FAM9A: variants seen among roughly 807,000 people sequenced by gnomAD.
The protein encoded by FAM9A is family with sequence similarity 9 member A.
A neutral mutation model predicts 25.0 loss-of-function variants in FAM9A; 49 were observed. That is an observed-to-expected ratio of 1.96 (90% CI 1.56 to 2.48). The LOEUF (loss-of-function observed/expected upper bound fraction) is 2.48, where lower values mean the gene tolerates loss of function less well. Among genes scored for constraint, FAM9A ranks in the 30% most tolerant of loss-of-function variants. FAM9A has a pLI of 0.00. For missense variants in FAM9A, 266 were observed against 249.3 expected (o/e 1.07, Z -0.45); for synonymous variants, 80 against 85.1 (o/e 0.94, Z 0.33).
chrX:8,794,792 T>C (rs1933507584), intron 7 of FAM9A, among the ~76,000 whole-genome samples: 1 of 112,084 alleles, frequency 8.9e-6, no homozygotes, highest in East Asian at 2.8e-4. Flanking sequence ...TCTCCTTCTA[T>C]CAACGTGCGC....
At chrX:8,792,389 A>G (rs1016485735) in intron 8 of FAM9A, among the ~76,000 whole-genome samples, 1 of 111,306 alleles carries the variant, frequency 9.0e-6, no homozygotes, top group Non-Finnish European at 1.9e-5. Context: ...AGAGTTTAAT[A>G]GTACAAGCAA....
At chrX:8,798,204 A>T in intron 4 of FAM9A, 23 bp from the exon 5 acceptor site, 1 of 1,205,237 alleles carries the variant, frequency 8.3e-7, no homozygotes, top group Non-Finnish European at 1.1e-6. Flanking sequence ...TTACATCAAA[A>T]TTTTATCATA....
intron 7 of FAM9A, among the ~76,000 whole-genome samples, 174 bp downstream of exon 7, chrX:8,794,904 A>C (rs191851130): frequency 1.8e-3 from 199 of 111,908 alleles, no homozygotes; most frequent in Non-Finnish European, 3.0e-3. Flanking sequence ...TGCTGACCTC[A>C]GTTGGACCCC....
At chrX:8,797,978 G>A (rs144946028) in intron 5 of FAM9A, among the ~76,000 whole-genome samples, 172 bp downstream of exon 5, 1 of 111,373 alleles carries the variant, frequency 9.0e-6, no homozygotes, top group Admixed American at 9.6e-5. Flanking sequence ...AATCCAAAAG[G>A]TAAGTATGAA....
At chrX:8,791,829 T>C (rs1020438080) in intron 8 of FAM9A, among the ~76,000 whole-genome samples, 3 of 112,020 alleles carry the variant, frequency 2.7e-5, no homozygotes, top group Non-Finnish European at 5.6e-5. Flanking sequence ...TTGAAATATA[T>C]ACTATTCCCT....
chrX:8,800,184 T>A lies in FAM9A; in HGVS notation c.-13A>T. The A allele has an allele frequency of 8.3e-7, 1 of 1,206,295 alleles. No homozygotes were observed. The highest frequency in any genetic ancestry group is 1.1e-6 in the Non-Finnish European group (1 of 892,202). ...CCACGGGCTCCATGGTTGGCTGTCC[T>A]GGGAAGTTAGAGGCGATCCCTGAAC... is the stretch of plus-strand genomic sequence containing the variant. On this transcript the variant is annotated 5_prime_UTR_variant, in exon 2 of 10. Transcript: ENST00000381003.
In FAM9A at chrX:8,798,860, A is replaced by C. The variant is rs1569105066; in HGVS notation, c.220+106T>G. ...ATGCACAATGGACTCCAAAGCCACG[A>C]AGGGGCCAGGGGTCTCGGGCTGCCC... On this transcript the variant is annotated intron_variant, in intron 3 of 9. Transcript: ENST00000381003. 12 of 1,145,856 alleles carry C rather than the reference A, an allele frequency of 1.0e-5. No individual in the cohort carries two copies. The East Asian group carries it at 3.6e-4, about 35-fold the overall frequency. 94.4% of individuals were successfully genotyped at this position (1,145,856 alleles called of 1,213,427 possible).
At chrX:8,797,489 T>C (rs1933547077) in intron 5 of FAM9A, among the ~76,000 whole-genome samples, 1 of 112,125 alleles carries the variant, frequency 8.9e-6, no homozygotes, top group African/African-American at 3.2e-5. Flanking sequence ...TCATTTTAGA[T>C]AATTCAATTT....
chrX:8,792,593 C>G (rs1933482650), intron 8 of FAM9A, among the ~76,000 whole-genome samples: 1 of 111,828 alleles, frequency 8.9e-6, no homozygotes, highest in African/African-American at 3.3e-5. Context: ...AGGAAAACTT[C>G]TAGTCTCATG....
chrX:8,791,287 A>T lies in FAM9A; in HGVS notation c.*24T>A, dbSNP rs1933467419. On this transcript the variant is annotated 3_prime_UTR_variant, in exon 9 of 10. Coordinates refer to ENST00000381003, the MANE Select transcript of FAM9A (RefSeq NM_174951.3). ...TAAATATGCACTACTTACAGTTCTG[A>T]CACGATTCTTTTTAAAAACACGGCT... The T allele has an allele frequency of 8.5e-7, 1 of 1,176,706 alleles. No homozygotes were observed.
At position 8,796,736 on chromosome X, in the gene FAM9A, A is replaced by T. The variant is rs371776100; in HGVS notation, c.374-354T>A. On this transcript the variant is annotated intron_variant, in intron 5 of 9. Transcript: ENST00000381003. ...GTAATTCAAAGGACATGTTTCCATGAAATACTGTCACAATTCATTATGTAA... is the reference window on the plus strand; with the variant it reads ...GTAATTCAAAGGACATGTTTCCATGTAATACTGTCACAATTCATTATGTAA... Among the ~76,000 whole-genome samples, 291 of 112,177 alleles carry T rather than the reference A, an allele frequency of 2.6e-3. 8 individuals carry two copies. The South Asian group carries it at 0.095, about 37-fold the overall frequency.
Position 8,799,067 on chromosome X carries a change from C to T in FAM9A, c.119G>A (p.Gly40Glu). The T allele has an allele frequency of 1.7e-6, 2 of 1,211,293 alleles. No homozygotes were observed. Among genetic ancestry groups the T allele is most frequent in the Middle Eastern group, 2.3e-4 (1 of 4,349 alleles). ...EGSGIASNFP[G>E]QPTMEPVGRK... ...GCCCACGGGCTCCATGGTTGGCTGT[C>T]CTGGGAAGTTAGAGGCGATCCCTGA... The change falls in exon 3 of 10, where the codon GGA (glycine) becomes GAA (glutamate). Residue 40 changes from glycine to glutamate, a missense_variant. Gly to Glu is a moderately conservative substitution (Grantham distance 98). Coordinates refer to ENST00000381003, the MANE Select transcript of FAM9A (RefSeq NM_174951.3).
At position 8,794,650 on chromosome X, in the gene FAM9A, A is replaced by T. The variant is rs1374716367; in HGVS notation, c.831+428T>A. On this transcript the variant is annotated intron_variant, in intron 7 of 9. Transcript: ENST00000381003. ...TACTACAGCTCAGGAGTCTGTTGAG[A>T]CCCGACACCCACTGAATGGAACACT... 3.6e-5 allele frequency among the ~76,000 whole-genome samples: 4 copies of T among 111,127 alleles called. No individual in the cohort carries two copies. The East Asian group carries it at 1.1e-3, about 32-fold the overall frequency.
Position 8,800,198 on chromosome X carries a change from C to A in FAM9A, c.-27G>T. ...GTTGGCTGTCCTGGGAAGTTAGAGG[C>A]GATCCCTGAACCTGGTTGAGTGCAA... On this transcript the variant is annotated 5_prime_UTR_variant, in exon 2 of 10. Transcript: ENST00000381003. 8.3e-7 allele frequency: 1 copy of A among 1,201,648 alleles called. No individual in the cohort carries two copies. The highest frequency in any genetic ancestry group is 3.0e-5 in the East Asian group (1 of 33,506).
At position 8,799,023 on chromosome X, in the gene FAM9A, C is replaced by A; in HGVS notation, c.163G>T (p.Ala55Ser). 1 of 1,212,596 alleles carries A rather than the reference C, an allele frequency of 8.2e-7. No individual in the cohort carries two copies. The highest frequency in any genetic ancestry group is 1.7e-5 in the African/African-American group (1 of 58,047). ...EPVGRKRSRK[A>S]AKAQLEAQVR... ...TGAGCTTCCAACTGAGCTTTGGCAG[C>A]CTTCCTGCTGCGCTTCCTGCCCACG... The change falls in exon 3 of 10, where the codon GCT becomes TCT. Residue 55 changes from alanine (A) to serine (S), a missense_variant. Transcript: ENST00000381003.
Position 8,791,138 on chromosome X carries a change from T to C in FAM9A, c.*66A>G, listed in dbSNP as rs891104253. The stretch of plus-strand genomic sequence containing the variant: ...TCTTCAGTCATCAGAATAACAGAGG[T>C]TGAAGAGACAATGAAGTGCCAACTC... On this transcript the variant is annotated 3_prime_UTR_variant, in exon 10 of 10. Coordinates refer to ENST00000381003, the MANE Select transcript of FAM9A (RefSeq NM_174951.3). 20 of 410,660 alleles carry C rather than the reference T, an allele frequency of 4.9e-5. No homozygotes were observed. The highest frequency in any genetic ancestry group is 3.8e-4 in the African/African-American group (15 of 39,772). The allele number at this position is 410,660 out of a possible 1,213,427, so 33.8% of individuals were successfully genotyped here.
intron 4 of FAM9A, 47 bp from the exon 5 acceptor site, chrX:8,798,228 T>C (rs1189999187): frequency 2.5e-6 from 3 of 1,201,590 alleles, no homozygotes; most frequent in Admixed American, 4.4e-5. Context: ...CTACACAAAA[T>C]GCCATGTTTG....
intron 5 of FAM9A, among the ~76,000 whole-genome samples, chrX:8,797,730 CCT>C (rs1324345527): frequency 9.0e-6 from 1 of 110,700 alleles, no homozygotes; most frequent in African/African-American, 3.3e-5. Context: ...ATACCAAACC[CCT>C]GTGACACGCA....
Position 8,798,272 on chromosome X carries a change from A to G in FAM9A, c.341+87T>C. On this transcript the variant is annotated intron_variant, in intron 4 of 9. Transcript: ENST00000381003. ...ATATGTCTTATGTGAAATGTTCCGC[A>G]TAGAATAGAATAGTGATGACATGAA... 4.2e-6 allele frequency: 5 copies of G among 1,199,112 alleles called. 1 individual carries two copies. The highest frequency in any genetic ancestry group is 2.2e-6 in the Non-Finnish European group (2 of 889,703).
Sources: gnomAD v4.1 joint callset for allele counts (sites outside exome capture counted in the v4.1 genomes callset) on GRCh38, gnomAD v4.1.1 for gene constraint, MANE v1.5 for transcripts, NCBI Gene and HGNC (gene_info 2026-07-23, HGNC 2026-07-21) for gene names.